TPH2: variants seen among roughly 807,000 people sequenced by gnomAD.
TPH2 encodes the protein tryptophan hydroxylase 2, also known as tryptophan 5-hydroxylase 2.
In TPH2, 27 loss-of-function variants were observed where a neutral mutation model predicts 59.1. The observed-to-expected ratio is 0.46, with a 90% CI of 0.34 to 0.63. The LOEUF is 0.63. Among genes scored for constraint, TPH2 ranks in the 30% least tolerant of loss-of-function variants. The probability of loss-of-function intolerance (pLI) is 0.01; values close to 1 mark genes in which losing one functional copy is unlikely to be tolerated. For missense variants in TPH2, 523 were observed against 588.3 expected, an observed-to-expected ratio of 0.89 and a Z score of 1.15; for synonymous variants, 220 against 210.5, an observed-to-expected ratio of 1.05 and a Z score of -0.39.
intron 7 of TPH2, 103 bp from the exon 8 acceptor site, chr12:71,994,336 T>G: frequency 7.8e-7 from 1 of 1,286,716 alleles, no homozygotes; most frequent in Admixed American, 1.7e-5. Flanking sequence ...AGTAACTAAT[T>G]AATTACAGTG....
chr12:72,014,218 T>C (rs1207382685), intron 8 of TPH2, among the ~76,000 whole-genome samples: 1 of 151,462 alleles, frequency 6.6e-6, no homozygotes, highest in Non-Finnish European at 1.5e-5. Flanking sequence ...ACCATGTTAG[T>C]GAGGACTAGA....
At chr12:72,014,329 G>A (rs1873179554) in intron 8 of TPH2, among the ~76,000 whole-genome samples, 1 of 151,642 alleles carries the variant, frequency 6.6e-6, no homozygotes, top group African/African-American at 2.4e-5. Context: ...AAATAATAAA[G>A]CATGCAAAAA....
intron 9 of TPH2, among the ~76,000 whole-genome samples, chr12:72,030,633 C>A (rs1001043258): frequency 1.3e-5 from 2 of 152,056 alleles, no homozygotes; most frequent in African/African-American, 4.8e-5. Context: ...ATATTAGCTC[C>A]TTTTTTCCTC....
At chr12:71,990,547 C>T (rs1190900019) in intron 7 of TPH2, among the ~76,000 whole-genome samples, 1 of 152,192 alleles carries the variant, frequency 6.6e-6, no homozygotes, top group Non-Finnish European at 1.5e-5. Flanking sequence ...TAATGAATTG[C>T]TTTTATTAGT....
chr12:71,967,574 A>T (rs1871853206), intron 5 of TPH2, among the ~76,000 whole-genome samples: 1 of 152,252 alleles, frequency 6.6e-6, no homozygotes, highest in Admixed American at 6.5e-5. Context: ...CAGTAAATTA[A>T]GAACCTGTGA....
chr12:72,001,254 T>C (rs186210532), intron 8 of TPH2, among the ~76,000 whole-genome samples: 116 of 152,266 alleles, frequency 7.6e-4, no homozygotes, highest in Middle Eastern at 3.4e-3. Flanking sequence ...TGGATCTCAG[T>C]AATGCTGATG....
chr12:71,945,998 T>G (rs1231685755), intron 4 of TPH2, among the ~76,000 whole-genome samples: 1 of 152,116 alleles, frequency 6.6e-6, no homozygotes, highest in Non-Finnish European at 1.5e-5. Context: ...TTCCCCTCTC[T>G]CAACTTCCAG....
At position 71,962,716 on chromosome 12, in the gene TPH2, TTTTTGTTTTG is replaced by T. The variant is rs545339611; in HGVS notation, c.609-9787_609-9778del. The T allele has an allele frequency of 4.3e-5, 42 of 970,346 alleles. No homozygotes were observed. The African/African-American group carries it at 4.7e-4, about 11-fold the overall frequency. 60.1% of individuals were successfully genotyped at this position (970,346 alleles called of 1,614,324 possible). Reference sequence around the variant, plus strand: ...ATTTACTCACTTAACAAATATTATTTTTTTGTTTTGTTTTGTTTTGTTTTGAGATAGAGTA... The same window carrying T: ...ATTTACTCACTTAACAAATATTATTTTTTTGTTTTGTTTTGAGATAGAGTA... On this transcript the variant is annotated intron_variant, in intron 5 of 10. Transcript: ENST00000333850.
intron 5 of TPH2, among the ~76,000 whole-genome samples, chr12:71,969,130 A>C (rs1456554423): frequency 2.6e-5 from 4 of 152,078 alleles, no homozygotes; most frequent in Non-Finnish European, 5.9e-5. Flanking sequence ...AAAAATACAA[A>C]AAATTAGCCG....
chr12:72,003,202 A>G (rs758857825), intron 8 of TPH2, among the ~76,000 whole-genome samples: 3 of 152,174 alleles, frequency 2.0e-5, no homozygotes. Context: ...CCACTTTAGT[A>G]TCTCTACAGA....
At chr12:71,956,465 T>TTCCTTCCC (rs1233432468) in intron 5 of TPH2, among the ~76,000 whole-genome samples, 2 of 111,896 alleles carry the variant, frequency 1.8e-5, no homozygotes, top group South Asian at 3.8e-4. Context: ...TCTTCCTTCC[T>TTCCTTCCC]TCCTTCCCTC....
chr12:71,970,521 T>A (rs1258290768), intron 5 of TPH2, among the ~76,000 whole-genome samples: 1 of 152,256 alleles, frequency 6.6e-6, no homozygotes, highest in African/African-American at 2.4e-5. Flanking sequence ...CTCAAGTGGC[T>A]TCTCAATATT....
At chr12:72,027,604 A>G (rs141703240) in intron 9 of TPH2, among the ~76,000 whole-genome samples, 37 of 152,302 alleles carry the variant, frequency 2.4e-4, no homozygotes, top group Non-Finnish European at 4.4e-4. Context: ...AAAGACCTGT[A>G]TTTTTAATTA....
At chr12:71,948,631 C>G (rs913266421) in intron 4 of TPH2, among the ~76,000 whole-genome samples, 2 of 152,220 alleles carry the variant, frequency 1.3e-5, no homozygotes, top group African/African-American at 4.8e-5. Context: ...CTGTTCTTCA[C>G]TCTCCAGTGC....
intron 7 of TPH2, among the ~76,000 whole-genome samples, chr12:71,986,218 A>G (rs1297414375): frequency 1.3e-5 from 2 of 152,158 alleles, no homozygotes; most frequent in East Asian, 3.9e-4. Context: ...TAACACTTTG[A>G]TCTTTGGAGA....
chr12:71,982,650 T>C (rs760252557), intron 7 of TPH2, among the ~76,000 whole-genome samples: 18 of 152,342 alleles, frequency 1.2e-4, no homozygotes, highest in Middle Eastern at 3.4e-3. Flanking sequence ...ATTTCCTCAA[T>C]TGAAAACCAA....
chr12:72,025,726 G>T (rs1185895169), intron 9 of TPH2, among the ~76,000 whole-genome samples: 2 of 152,076 alleles, frequency 1.3e-5, no homozygotes, highest in Non-Finnish European at 2.9e-5. Context: ...CATAACTGTG[G>T]AGAACAATTA....
chr12:71,985,769 T>C (rs1006600093), intron 7 of TPH2, among the ~76,000 whole-genome samples: 5 of 152,272 alleles, frequency 3.3e-5, no homozygotes, highest in African/African-American at 1.2e-4. Context: ...TTTATGGCTA[T>C]TATATAGTTT....
intron 7 of TPH2, among the ~76,000 whole-genome samples, chr12:71,982,151 G>A (rs1432918718): frequency 6.6e-6 from 1 of 151,126 alleles, no homozygotes; most frequent in Non-Finnish European, 1.5e-5. Context: ...TTACAGGCGT[G>A]CAACACCATA....
Sources: allele counts gnomAD v4.1 joint callset (sites outside exome capture counted in the v4.1 genomes callset), GRCh38; gene constraint gnomAD v4.1.1; transcripts MANE v1.5; gene names NCBI Gene and HGNC (gene_info 2026-07-23, HGNC 2026-07-21).